Variants in AFG2A observed in about 807,000 individuals in gnomAD.
AFG2A encodes the protein ATPase family gene 2 protein homolog A.
chr4:123,166,736 A>C, the AFG2A span, among the ~76,000 whole-genome samples: 1,441 of 152,170 alleles, frequency 9.5e-3, 10 homozygotes, highest in Non-Finnish European at 0.012. Flanking sequence ...GGTTCCTTGA[A>C]CTCTAGAAGT....
the AFG2A span, among the ~76,000 whole-genome samples, chr4:123,224,184 A>C: frequency 6.6e-6 from 1 of 151,004 alleles, no homozygotes; most frequent in African/African-American, 2.4e-5. Flanking sequence ...TGTTTTGTTG[A>C]GTCATCTCTC....
the AFG2A span, among the ~76,000 whole-genome samples, chr4:123,179,980 G>A: frequency 6.6e-6 from 1 of 152,090 alleles, no homozygotes. Context: ...CGCACTTTAG[G>A]AGGCTGAGGC....
At chr4:123,078,685 T>A in the AFG2A span, among the ~76,000 whole-genome samples, 4 of 152,254 alleles carry the variant, frequency 2.6e-5, no homozygotes, top group Admixed American at 1.3e-4. Flanking sequence ...CAATCTAGAA[T>A]GGAGATGGCT....
At chr4:123,199,469 T>G in the AFG2A span, among the ~76,000 whole-genome samples, 4 of 133,572 alleles carry the variant, frequency 3.0e-5, no homozygotes, top group South Asian at 5.4e-4. Flanking sequence ...GAGGTTTTTT[T>G]TTTTTTTTTT....
At chr4:122,923,318 G>C in the AFG2A span, 2 of 1,613,622 alleles carry the variant, frequency 1.2e-6, no homozygotes, top group East Asian at 2.2e-5. Context: ...AAAGAATTCC[G>C]GGTGGGAGAC....
chr4:123,216,220 A>G, the AFG2A span, among the ~76,000 whole-genome samples: 336 of 152,272 alleles, frequency 2.2e-3, 3 homozygotes, highest in Middle Eastern at 0.014. Flanking sequence ...CTTTTTTTCA[A>G]TATCAGACAT....
At chr4:122,997,489 C>T in the AFG2A span, among the ~76,000 whole-genome samples, 1 of 152,062 alleles carries the variant, frequency 6.6e-6, no homozygotes, top group African/African-American at 2.4e-5. Flanking sequence ...TTTTAACTGC[C>T]AGATCATATT....
chr4:123,150,115 G>T, the AFG2A span, among the ~76,000 whole-genome samples: 170 of 152,150 alleles, frequency 1.1e-3, 1 homozygote, highest in African/African-American at 4.0e-3. Context: ...GGTATTGATG[G>T]AACATATCTC....
chr4:123,027,003 A>G, the AFG2A span, among the ~76,000 whole-genome samples: 1 of 152,096 alleles, frequency 6.6e-6, no homozygotes, highest in African/African-American at 2.4e-5. Context: ...CCCTCTCCAA[A>G]TGTAGCTTTA....
At chr4:123,115,449 C>G in the AFG2A span, among the ~76,000 whole-genome samples, 3 of 152,074 alleles carry the variant, frequency 2.0e-5, no homozygotes, top group Non-Finnish European at 4.4e-5. Context: ...GGGCGCCACT[C>G]CCGCTTTCCA....
the AFG2A span, among the ~76,000 whole-genome samples, chr4:123,289,746 T>C: frequency 1.3e-5 from 2 of 152,202 alleles, no homozygotes; most frequent in Non-Finnish European, 2.9e-5. Flanking sequence ...TGATATCTCA[T>C]TGTGGTTTTA....
chr4:123,079,836 G>A, the AFG2A span, among the ~76,000 whole-genome samples: 4 of 129,964 alleles, frequency 3.1e-5, no homozygotes, highest in Admixed American at 9.7e-5. Context: ...TGCAACCTCC[G>A]CTTCCTGGGT....
At chr4:123,261,053 T>C in the AFG2A span, among the ~76,000 whole-genome samples, 1 of 152,300 alleles carries the variant, frequency 6.6e-6, no homozygotes, top group East Asian at 1.9e-4. Flanking sequence ...TATGAGAATC[T>C]AACGCCTGAG....
chr4:122,923,321 T>TG, the AFG2A span: 1 of 1,612,638 alleles, frequency 6.2e-7, no homozygotes, highest in African/African-American at 1.3e-5. Context: ...GAATTCCGGG[T>TG]GGGAGACTAG....
the AFG2A span, chr4:123,056,559 A>ATT: frequency 8.0e-6 from 5 of 627,230 alleles, no homozygotes; most frequent in East Asian, 7.2e-5. Context: ...TCTTAGTGGT[A>ATT]TTTTTTTTTC....
At chr4:123,022,829 T>G in the AFG2A span, among the ~76,000 whole-genome samples, 27 of 151,954 alleles carry the variant, frequency 1.8e-4, no homozygotes, top group South Asian at 6.2e-4. Context: ...ATGTGGCACA[T>G]ATACACCATG....
chr4:123,058,014 C>T, the AFG2A span, among the ~76,000 whole-genome samples: 1 of 152,138 alleles, frequency 6.6e-6, no homozygotes, highest in African/African-American at 2.4e-5. Flanking sequence ...AGACAACTTA[C>T]AGGTGTCAGT....
chr4:123,241,178 T>G, the AFG2A span, among the ~76,000 whole-genome samples: 3 of 152,286 alleles, frequency 2.0e-5, no homozygotes, highest in African/African-American at 7.2e-5. Flanking sequence ...ACCAGACAGA[T>G]TCACAGCCAA....
chr4:122,979,264 C>G, the AFG2A span: 1 of 1,614,126 alleles, frequency 6.2e-7, no homozygotes. Flanking sequence ...CCTGAAAAAA[C>G]AGCCTAACCT....
Sources: gnomAD v4.1 joint callset for allele counts (sites outside exome capture counted in the v4.1 genomes callset) on GRCh38, gnomAD v4.1.1 for gene constraint, MANE v1.5 for transcripts, NCBI Gene and HGNC (gene_info 2026-07-23, HGNC 2026-07-21) for gene names.